Variants in STX8 observed in about 807,000 individuals in gnomAD.
The protein encoded by STX8 is syntaxin-8.
Under a neutral mutation model 37.5 loss-of-function variants are expected in STX8, and 23 were observed. The observed-to-expected ratio is 0.61, with a 90% CI of 0.44 to 0.87. The LOEUF (loss-of-function observed/expected upper bound fraction) is 0.87, where lower values mean the gene tolerates loss of function less well. Among genes scored for constraint, STX8 ranks in the 40% least tolerant of loss-of-function variants. The pLI, the probability that STX8 is intolerant of heterozygous loss-of-function variation, is 0.00. For synonymous variants in STX8, 115 were observed against 99.1 expected, an observed-to-expected ratio of 1.16 and a Z score of -0.95; for missense variants, 313 against 284.7, an observed-to-expected ratio of 1.10 and a Z score of -0.71.
chr17:9,501,780 T>C (rs1420510079), intron 5 of STX8, among the ~76,000 whole-genome samples: 1 of 151,934 alleles, frequency 6.6e-6, no homozygotes, highest in Non-Finnish European at 1.5e-5. Context: ...GAAACCAGCA[T>C]GGCTAACACG....
At chr17:9,307,433 G>C (rs1258935597) in intron 7 of STX8, among the ~76,000 whole-genome samples, 1 of 152,174 alleles carries the variant, frequency 6.6e-6, no homozygotes, top group Admixed American at 6.5e-5. Context: ...GGAGGCACTG[G>C]CTGGAGGTCA....
chr17:9,421,684 T>C (rs566294566), intron 6 of STX8, among the ~76,000 whole-genome samples: 1 of 152,140 alleles, frequency 6.6e-6, no homozygotes, highest in Admixed American at 6.5e-5. Context: ...ACCACCCCTA[T>C]CTAGTTTCAA....
At position 9,253,207 on chromosome 17, in the gene STX8, G is replaced by GGTGTGTGTGTGTGTGTGTGT. The variant is rs36048368; in HGVS notation, c.644-2582_644-2563dup. Among the ~76,000 whole-genome samples the GGTGTGTGTGTGTGTGTGTGT allele has an allele frequency of 2.1e-3, 297 of 141,018 alleles. 5 individuals are homozygous for GGTGTGTGTGTGTGTGTGTGT. The highest frequency in any genetic ancestry group is 3.6e-3 in the Middle Eastern group (1 of 276). 92.5% of individuals were successfully genotyped at this position (141,018 alleles called of 152,430 possible). The stretch of plus-strand genomic sequence containing the variant: ...CTTGCAGCAAGAAGGCAGGGGTAGG[G>GGTGTGTGTGTGTGTGTGTGT]GTGTGTGTGTGTGTGTGTGTGTGTG... On this transcript the variant is annotated intron_variant, in intron 7 of 7. Coordinates refer to ENST00000306357, the MANE Select transcript of STX8 (RefSeq NM_004853.3).
intron 7 of STX8, among the ~76,000 whole-genome samples, chr17:9,287,727 A>C (rs548557355): frequency 6.6e-6 from 1 of 152,160 alleles, no homozygotes; most frequent in South Asian, 2.1e-4. Context: ...ACCCATGCCT[A>C]TAGAACTTTC....
intron 4 of STX8, 60 bp from the exon 5 acceptor site, chr17:9,505,222 C>A (rs1423309427): frequency 6.4e-7 from 1 of 1,561,120 alleles, no homozygotes; most frequent in Non-Finnish European, 8.7e-7. Context: ...ATGCAAATTA[C>A]TCCCACAAGT....
chr17:9,502,698 GCTTT>G (rs1904663672), intron 5 of STX8, among the ~76,000 whole-genome samples: 1 of 152,140 alleles, frequency 6.6e-6, no homozygotes, highest in African/African-American at 2.4e-5. Flanking sequence ...GCTAATAGCA[GCTTT>G]CTTTGTAACA....
At chr17:9,359,659 C>G (rs902638778) in intron 7 of STX8, among the ~76,000 whole-genome samples, 8 of 151,882 alleles carry the variant, frequency 5.3e-5, no homozygotes, top group Admixed American at 5.2e-4. Flanking sequence ...AAGCGCCGAC[C>G]ACCATGCCCG....
At chr17:9,402,302 G>A (rs551896404) in intron 6 of STX8, among the ~76,000 whole-genome samples, 3 of 151,940 alleles carry the variant, frequency 2.0e-5, no homozygotes, top group Non-Finnish European at 4.4e-5. Context: ...TGTATTTTTA[G>A]TAGAGACGGG....
chr17:9,405,874 A>T (rs1008821760), intron 6 of STX8, among the ~76,000 whole-genome samples: 1 of 152,190 alleles, frequency 6.6e-6, no homozygotes, highest in Non-Finnish European at 1.5e-5. Context: ...CTGGCATTAA[A>T]TTCTCCAGCT....
intron 7 of STX8, among the ~76,000 whole-genome samples, chr17:9,366,634 T>C (rs1361010156): frequency 6.6e-6 from 1 of 152,216 alleles, no homozygotes; most frequent in Non-Finnish European, 1.5e-5. Flanking sequence ...TGTAACTATA[T>C]ACAAACAAAA....
chr17:9,253,243 TGA>T (rs1567755224), intron 7 of STX8, among the ~76,000 whole-genome samples: 29 of 151,188 alleles, frequency 1.9e-4, no homozygotes, highest in Middle Eastern at 3.4e-3. Context: ...TGTGTGTGTG[TGA>T]ATATCTTAGT....
Position 9,359,547 on chromosome 17 carries a change from G to C in STX8, c.643+19005C>G, listed in dbSNP as rs570519139. 3.1e-5 allele frequency among the ~76,000 whole-genome samples: 4 copies of C among 129,182 alleles called. No individual in the cohort carries two copies. The East Asian group carries it at 6.9e-4, about 22-fold the overall frequency. The allele number at this position is 129,182 out of a possible 152,430, so 84.7% of individuals were successfully genotyped here. On this transcript the variant is annotated intron_variant, in intron 7 of 7. Coordinates refer to ENST00000306357, the MANE Select transcript of STX8 (RefSeq NM_004853.3). ...TTTTGGGACAGAGTCTTGCTCTGTC[G>C]CCCAGGCTGGAGTGCAGTGGTGCAA...
intron 6 of STX8, among the ~76,000 whole-genome samples, chr17:9,485,676 C>T (rs1482701320): frequency 6.6e-6 from 1 of 151,794 alleles, no homozygotes; most frequent in Admixed American, 6.6e-5. Context: ...ACCTCCACCT[C>T]CCAGGTTCAA....
intron 6 of STX8, among the ~76,000 whole-genome samples, chr17:9,463,760 T>C (rs1408015200): frequency 6.6e-6 from 1 of 151,980 alleles, no homozygotes; most frequent in African/African-American, 2.4e-5. Flanking sequence ...AATACAAAAT[T>C]AGCAGGGTGT....
intron 7 of STX8, among the ~76,000 whole-genome samples, chr17:9,282,401 T>C (rs1025855022): frequency 2.0e-5 from 3 of 152,242 alleles, no homozygotes; most frequent in Non-Finnish European, 4.4e-5. Flanking sequence ...CCCAAAGTGC[T>C]GGGATTACAG....
chr17:9,300,827 GTTCT>G (rs1323462300), intron 7 of STX8, among the ~76,000 whole-genome samples: 14 of 107,592 alleles, frequency 1.3e-4, no homozygotes, highest in Admixed American at 8.1e-4. Flanking sequence ...TTCTTATTTT[GTTCT>G]TTTTTTTTTT....
intron 6 of STX8, among the ~76,000 whole-genome samples, chr17:9,419,221 C>T (rs2142347746): frequency 6.6e-6 from 1 of 151,784 alleles, no homozygotes; most frequent in Admixed American, 6.6e-5. Context: ...ATCACCATGC[C>T]CAGTTCGTTA....
At chr17:9,397,250 G>C (rs1912436397) in intron 6 of STX8, among the ~76,000 whole-genome samples, 1 of 152,126 alleles carries the variant, frequency 6.6e-6, no homozygotes, top group African/African-American at 2.4e-5. Context: ...ACAAAAATTA[G>C]CTGGGCGTGG....
Position 9,450,950 on chromosome 17 carries a change from T to A in STX8, c.541+40879A>T, listed in dbSNP as rs185084070. 2.7e-4 allele frequency among the ~76,000 whole-genome samples: 41 copies of A among 152,224 alleles called. No individual in the cohort carries two copies. In the East Asian group the frequency reaches 7.9e-3, roughly 29 times the overall value. On this transcript the variant is annotated intron_variant, in intron 6 of 7. Transcript: ENST00000306357. ...TTTTGTCCAGTAACACAAAAAAGAT[T>A]TGCCAAGCATGGACTGTGTTCTGGG...
Sources: allele counts gnomAD v4.1 joint callset (sites outside exome capture counted in the v4.1 genomes callset), GRCh38; gene constraint gnomAD v4.1.1; transcripts MANE v1.5; gene names NCBI Gene and HGNC (gene_info 2026-07-23, HGNC 2026-07-21).